Variants in ATP4A observed in about 807,000 individuals in gnomAD.
ATP4A encodes potassium-transporting ATPase alpha chain 1.
A neutral mutation model predicts 112.1 loss-of-function variants in ATP4A; 73 were observed. The ratio of observed to expected loss-of-function variants is 0.65; its 90% CI spans 0.54 to 0.79. ATP4A has a LOEUF of 0.79. Ranked by LOEUF, ATP4A falls within the 30% of genes least tolerant of loss-of-function variation. ATP4A has a pLI of 0.00. For synonymous variants in ATP4A, 588 were observed against 588.9 expected, an observed-to-expected ratio of 1.00 and a Z score of 0.02; for missense variants, 1,081 against 1,425.9, an observed-to-expected ratio of 0.76 and a Z score of 3.90.
rs2071600480 is a variant in ATP4A, at chr19:35,551,308, G to T, written c.2885+139C>A. 9.9e-6 allele frequency: 14 copies of T among 1,415,926 alleles called. No homozygotes were observed. The highest frequency in any genetic ancestry group is 1.3e-5 in the Non-Finnish European group (14 of 1,038,698). The allele number at this position is 1,415,926 out of a possible 1,614,324, so 87.7% of individuals were successfully genotyped here. ...GGGCCGTGGGGGGAGTTATTGGCCA[G>T]TTAGAAAGGTTTTTTTGGCATGTCA... On this transcript the variant is annotated intron_variant, in intron 19 of 21. Coordinates refer to ENST00000262623, the MANE Select transcript of ATP4A (RefSeq NM_000704.3). This position sits in a 1 kb window ranked among gnomAD's most constrained non-coding sequence, Gnocchi z 5.2.
rs2071646979 is a variant in ATP4A at position 35,558,533 on chromosome 19, T to C, written c.1366-37A>G. On this transcript the variant is annotated intron_variant, in intron 9 of 21. Coordinates refer to ENST00000262623, the MANE Select transcript of ATP4A (RefSeq NM_000704.3). The surrounding 1 kb of genome is among the most constrained non-coding windows in gnomAD (Gnocchi z 5.1). ...GACCGGTGTCAGGGGCGAAGCCGGC[T>C]ACACCAGCCTCCCGGGATTCCCTGG... The C allele has an allele frequency of 6.3e-7, 1 of 1,589,424 alleles. No individual in the cohort carries two copies. Among genetic ancestry groups the C allele is most frequent in the South Asian group, 1.1e-5 (1 of 87,408 alleles).
At chr19:35,563,314 C>A in intron 2 of ATP4A, 46 bp from the exon 3 acceptor site, 1 of 1,613,502 alleles carries the variant, frequency 6.2e-7, no homozygotes, top group Non-Finnish European at 8.5e-7. Context: ...GCTCTCCTGG[C>A]CCCCTCCCCG....
Position 35,551,523 on chromosome 19 carries a change from T to C in ATP4A, c.2809A>G (p.Ile937Val), listed in dbSNP as rs765914657. The change falls in exon 19 of 22, where the codon ATT (isoleucine) becomes GTT (valine). Residue 937 changes from isoleucine to valine, a missense_variant. By Grantham distance (29) the Ile-to-Val change is conservative (BLOSUM62 3). Coordinates refer to ENST00000262623, the MANE Select transcript of ATP4A (RefSeq NM_000704.3). The surrounding 1 kb of genome is among the most constrained non-coding windows in gnomAD (Gnocchi z 5.2). ...YTCYTVFFIS[I>V]EVCQIADVLI... ...ACATCGGCGATCTGGCACACCTCAA[T>C]GCTGATGAAGAACACGGTGTAGCAG... The C allele has an allele frequency of 1.2e-6, 2 of 1,614,050 alleles. No homozygotes were observed. Among genetic ancestry groups the C allele is most frequent in the Non-Finnish European group, 1.7e-6 (2 of 1,179,986 alleles).
Position 35,555,940 on chromosome 19 carries a change from G to C in ATP4A, c.1870-128C>G. The stretch of plus-strand genomic sequence containing the variant: ...AGCGTGACCACCTCCTACGTGCCTG[G>C]GATATAGCAGAGACAAAAGAGACAA... On this transcript the variant is annotated intron_variant, in intron 12 of 21. Transcript: ENST00000262623. The surrounding 1 kb of genome is among the most constrained non-coding windows in gnomAD (Gnocchi z 6.6). 7.6e-7 allele frequency: 1 copy of C among 1,311,708 alleles called. No individual in the cohort carries two copies. Among genetic ancestry groups the C allele is most frequent in the Non-Finnish European group, 1.0e-6 (1 of 981,314 alleles). 81.3% of individuals were successfully genotyped at this position (1,311,708 alleles called of 1,614,324 possible).
Position 35,550,677 on chromosome 19 carries a change from T to G in ATP4A, c.3080-34A>C. On this transcript the variant is annotated intron_variant, in intron 21 of 21. Coordinates refer to ENST00000262623, the MANE Select transcript of ATP4A (RefSeq NM_000704.3). The surrounding 1 kb of genome is among the most constrained non-coding windows in gnomAD (Gnocchi z 4.1). ...GAGAGGGAGAAAGGAGACTCAGTGCTGGGGGTGCCACTTAGGCAGGGCCAG... is the reference window on the plus strand; with the variant it reads ...GAGAGGGAGAAAGGAGACTCAGTGCGGGGGGTGCCACTTAGGCAGGGCCAG... 1 of 1,613,692 alleles carries G rather than the reference T, an allele frequency of 6.2e-7. No individual in the cohort carries two copies. The highest frequency in any genetic ancestry group is 1.1e-5 in the South Asian group (1 of 91,060).
chr19:35,563,290 G>A (rs2071683155), intron 2 of ATP4A, 22 bp from the exon 3 acceptor site: 1 of 1,613,486 alleles, frequency 6.2e-7, no homozygotes, highest in Non-Finnish European at 8.5e-7. Flanking sequence ...GGTGGGGCAG[G>A]GTGCTTGCTC....
At chr19:35,556,493 G>A (rs1450125492) in intron 12 of ATP4A, among the ~76,000 whole-genome samples, 6 of 152,130 alleles carry the variant, frequency 3.9e-5, no homozygotes, top group Non-Finnish European at 7.3e-5. Context: ...GCCCAGACCT[G>A]GCCAATCAAG....
chr19:35,558,620 C>A lies in ATP4A; in HGVS notation c.1322G>T (p.Arg441Leu). 6.2e-7 allele frequency: 1 copy of A among 1,602,038 alleles called. No homozygotes were observed. Among genetic ancestry groups the A allele is most frequent in the Non-Finnish European group, 8.5e-7 (1 of 1,175,826 alleles). ...ALCRVLTLCN[R>L]AAFKSGQDAV... Reference sequence around the variant, plus strand: ...ATCCTGGCCGGACTTGAAGGCGGCGCGGTTGCACAGGGTGAGCACCCGGCA... The same window carrying A: ...ATCCTGGCCGGACTTGAAGGCGGCGAGGTTGCACAGGGTGAGCACCCGGCA... The change falls in exon 9 of 22, where the codon CGC (arginine) becomes CTC (leucine). Residue 441 changes from arginine to leucine, a missense_variant. Arg to Leu is a moderately radical substitution (Grantham distance 102, BLOSUM62 -2). This residue lies in a region of ATP4A where 850 missense variants were observed against 1,068.2 expected (regional missense o/e 0.80). Coordinates refer to ENST00000262623, the MANE Select transcript of ATP4A (RefSeq NM_000704.3). The surrounding 1 kb of genome is among the most constrained non-coding windows in gnomAD (Gnocchi z 5.1).
Position 35,555,003 on chromosome 19 carries a change from G to C in ATP4A, c.2400C>G (p.Pro800=), listed in dbSNP as rs1031210028. 1.2e-5 allele frequency: 20 copies of C among 1,614,066 alleles called. No homozygotes were observed. Among genetic ancestry groups the C allele is most frequent in the Middle Eastern group, 1.6e-4 (1 of 6,084 alleles). Residue 800 remains proline, a synonymous_variant, in exon 16 of 22, where the codon CCC becomes CCG. Coordinates refer to ENST00000262623, the MANE Select transcript of ATP4A (RefSeq NM_000704.3). The surrounding 1 kb of genome is among the most constrained non-coding windows in gnomAD (Gnocchi z 6.6). ...TLTKNIPELT[P]YLIYITVSVP... Reference sequence around the variant, plus strand: ...CGCTGACGGTGATGTAGATGAGGTAGGGTGTCAGCTCTGGGATGTTCTTGG... The same window carrying C: ...CGCTGACGGTGATGTAGATGAGGTACGGTGTCAGCTCTGGGATGTTCTTGG...
At chr19:35,562,377 C>T (rs1884202875) in intron 4 of ATP4A, 58 bp downstream of exon 4, 12 of 1,568,696 alleles carry the variant, frequency 7.6e-6, no homozygotes, top group Non-Finnish European at 1.0e-5. Flanking sequence ...GTCCCAGGCT[C>T]AGTGTCTTCC....
In ATP4A at chr19:35,560,732, A is replaced by G; in HGVS notation, c.534+87T>C. ...CCATGGGGAGAGATGGAGGCCACAG[A>G]TGAGGGACAGGGGCCTGATGGAAGG... On this transcript the variant is annotated intron_variant, in intron 5 of 21. Transcript: ENST00000262623. The surrounding 1 kb of genome is among the most constrained non-coding windows in gnomAD (Gnocchi z 5.1). 6.3e-7 allele frequency: 1 copy of G among 1,576,928 alleles called. No homozygotes were observed. The highest frequency in any genetic ancestry group is 8.7e-7 in the Non-Finnish European group (1 of 1,147,462).
chr19:35,562,406 C>T, intron 4 of ATP4A, 29 bp downstream of exon 4: 1 of 1,604,848 alleles, frequency 6.2e-7, no homozygotes, highest in Non-Finnish European at 8.5e-7. Flanking sequence ...GTCCCCATGT[C>T]CTGAGCCTGT....
intron 16 of ATP4A, among the ~76,000 whole-genome samples, chr19:35,554,693 G>A (rs889906983): frequency 2.6e-5 from 4 of 151,386 alleles, no homozygotes; most frequent in African/African-American, 9.7e-5. Flanking sequence ...TGCATGGGTC[G>A]GCCCGGGCCT....
intron 4 of ATP4A, among the ~76,000 whole-genome samples, chr19:35,561,427 G>A (rs374251491): frequency 2.0e-5 from 3 of 151,814 alleles, no homozygotes; most frequent in Non-Finnish European, 4.4e-5. Flanking sequence ...TCACATCCCC[G>A]TCCCTGCGTG....
chr19:35,554,632 A>G (rs1744032899), intron 16 of ATP4A, among the ~76,000 whole-genome samples: 1 of 151,956 alleles, frequency 6.6e-6, no homozygotes, highest in African/African-American at 2.4e-5. Flanking sequence ...TTGGCCAGAT[A>G]CCTGTTCTGT....
In ATP4A at chr19:35,560,968, GC is replaced by G. The variant is rs748827726; in HGVS notation, c.421-37del. The G allele has an allele frequency of 6.3e-7, 1 of 1,580,680 alleles. No homozygotes were observed. Among genetic ancestry groups the G allele is most frequent in the East Asian group, 2.2e-5 (1 of 44,716 alleles). On this transcript the variant is annotated intron_variant, in intron 4 of 21. Transcript: ENST00000262623. The surrounding 1 kb of genome is among the most constrained non-coding windows in gnomAD (Gnocchi z 5.1). ...GGAAGGGGTGGGGTTATTCAGAGGGGCCGGAAGCTGCCTGCCTGAGGCCACC... is the reference window on the plus strand; with the variant it reads ...GGAAGGGGTGGGGTTATTCAGAGGGGCGGAAGCTGCCTGCCTGAGGCCACC...
Position 35,559,709 on chromosome 19 carries a change from T to C in ATP4A, c.1056+96A>G, listed in dbSNP as rs1568315553. On this transcript the variant is annotated intron_variant, in intron 7 of 21. Coordinates refer to ENST00000262623, the MANE Select transcript of ATP4A (RefSeq NM_000704.3). This position sits in a 1 kb window ranked among gnomAD's most constrained non-coding sequence, Gnocchi z 4.1. ...AATGGATGGGAGCTAAGTGGACAGATAGACAGGCAGGGAGGTGATGGGGGA... is the reference window on the plus strand; with the variant it reads ...AATGGATGGGAGCTAAGTGGACAGACAGACAGGCAGGGAGGTGATGGGGGA... 6 of 1,506,468 alleles carry C rather than the reference T, an allele frequency of 4.0e-6. No homozygotes were observed. The African/African-American group carries it at 5.5e-5, about 14-fold the overall frequency. 93.3% of individuals were successfully genotyped at this position (1,506,468 alleles called of 1,614,324 possible). A position where few individuals can be genotyped will look rare whatever the true frequency, so the allele number is the denominator to read the frequency against.
Position 35,550,953 on chromosome 19 carries a change from A to ATCCCAGGCCTGTGCCCTACAGCCCC in ATP4A, c.2987+32_2988-29dup, listed in dbSNP as rs1411568600. 1 of 1,613,618 alleles carries ATCCCAGGCCTGTGCCCTACAGCCCC rather than the reference A, an allele frequency of 6.2e-7. No individual in the cohort carries two copies. The highest frequency in any genetic ancestry group is 8.5e-7 in the Non-Finnish European group (1 of 1,179,676). ...GAAGGCACATGGCAAGGTGAAGGCC[A>ATCCCAGGCCTGTGCCCTACAGCCCC]TCCCAGGCCTGTGCCCTACAGCCCC... is the stretch of plus-strand genomic sequence containing the variant. On this transcript the variant is annotated intron_variant, in intron 20 of 21. Coordinates refer to ENST00000262623, the MANE Select transcript of ATP4A (RefSeq NM_000704.3). The surrounding 1 kb of genome is among the most constrained non-coding windows in gnomAD (Gnocchi z 4.1).
chr19:35,557,019 T>C lies in ATP4A; in HGVS notation c.1763A>G (p.Asn588Ser), dbSNP rs952533559. 1.4e-5 allele frequency: 22 copies of C among 1,613,974 alleles called. No homozygotes were observed. Among genetic ancestry groups the C allele is most frequent in the East Asian group, 4.5e-5 (2 of 44,876 alleles). ...PGYAFDVEAMNFPSSGLCFAG... is the reference protein window; with the variant it reads ...PGYAFDVEAMSFPSSGLCFAG... ...AAAGCAGAGGCCGCTAGATGGAAAG[T>C]TCATGGCCTCTACGTCGAAGGCATA... The change falls in exon 12 of 22, where the codon AAC becomes AGC. Residue 588 changes from asparagine to serine, a missense_variant. By Grantham distance (46) the Asn-to-Ser change is conservative. Around this residue, in one of 3 missense-constraint regions of ATP4A, gnomAD observed 850 missense variants for 1,068.2 expected, o/e 0.80. Coordinates refer to ENST00000262623, the MANE Select transcript of ATP4A (RefSeq NM_000704.3). The surrounding 1 kb of genome is among the most constrained non-coding windows in gnomAD (Gnocchi z 4.4).
Sources: gnomAD v4.1 joint callset for allele counts (sites outside exome capture counted in the v4.1 genomes callset) on GRCh38, gnomAD v4.1.1 for gene constraint, gnomAD v4.1.1 regional missense constraint, Gnocchi (gnomAD v3.1) non-coding constraint, MANE v1.5 for transcripts, NCBI Gene and HGNC (gene_info 2026-07-23, HGNC 2026-07-21) for gene names.